MUSK: variants seen among roughly 807,000 people sequenced by gnomAD.
MUSK encodes muscle, skeletal receptor tyrosine-protein kinase.
MUSK carries 55 observed loss-of-function variants against 88.7 expected under a neutral mutation model. That is an observed-to-expected ratio of 0.62 (90% CI 0.50 to 0.78). The LOEUF (loss-of-function observed/expected upper bound fraction) is 0.78. Ranked by LOEUF, MUSK falls within the 30% of genes least tolerant of loss-of-function variation. The pLI, the probability that MUSK is intolerant of heterozygous loss-of-function variation, is 0.00. For missense variants in MUSK, 1,015 were observed against 1,074.3 expected (o/e 0.94, Z 0.77); for synonymous variants, 387 against 391.9 (o/e 0.99, Z 0.15).
At chr9:110,725,116 GA>G (rs1199615689) in intron 5 of MUSK, among the ~76,000 whole-genome samples, 1 of 151,910 alleles carries the variant, frequency 6.6e-6, no homozygotes, top group Non-Finnish European at 1.5e-5. Flanking sequence ...AACCTGGTTG[GA>G]ATTGGAGATC....
Position 110,803,686 on chromosome 9 carries a change from A to G in MUSK, c.*2698A>G, listed in dbSNP as rs1588056768. ...CAATTTAAGTTAATCATAACATCTA[A>G]TAGGTGACATGTTTATTTTTTCATG... On this transcript the variant is annotated 3_prime_UTR_variant, in exon 15 of 15. Coordinates refer to ENST00000374448, the MANE Select transcript of MUSK (RefSeq NM_005592.4). Among the ~76,000 whole-genome samples, 2 of 152,208 alleles carry G rather than the reference A, an allele frequency of 1.3e-5. No homozygotes were observed. The highest frequency in any genetic ancestry group is 3.8e-4 in the East Asian group (2 of 5,200).
At chr9:110,726,557 A>T (rs995707022) in intron 5 of MUSK, among the ~76,000 whole-genome samples, 1 of 152,054 alleles carries the variant, frequency 6.6e-6, no homozygotes, top group African/African-American at 2.4e-5. Context: ...ACAAGTGAAT[A>T]TAATTCTCAA....
intron 3 of MUSK, among the ~76,000 whole-genome samples, chr9:110,690,460 T>A (rs866459087): frequency 2.3e-4 from 19 of 81,222 alleles, no homozygotes; most frequent in African/African-American, 3.5e-4. Context: ...AAATATATAT[T>A]TAAATATAAG....
intron 3 of MUSK, among the ~76,000 whole-genome samples, chr9:110,688,048 G>A (rs998033657): frequency 6.6e-6 from 1 of 152,066 alleles, no homozygotes; most frequent in Non-Finnish European, 1.5e-5. Flanking sequence ...CCAAACACTA[G>A]TAGGTAATCT....
At position 110,728,935 on chromosome 9, in the gene MUSK, G is replaced by A. The variant is rs1564249570; in HGVS notation, c.629-5316G>A. Among the ~76,000 whole-genome samples, 2 of 151,934 alleles carry A rather than the reference G, an allele frequency of 1.3e-5. 1 individual carries two copies. Among genetic ancestry groups the A allele is most frequent in the South Asian group, 4.1e-4 (2 of 4,824 alleles). ...CCATTTGCATTTCTTAAGCAAGATT[G>A]AGTTAAAAGTAATGTTTAAATTTGG... On this transcript the variant is annotated intron_variant, in intron 5 of 14. Coordinates refer to ENST00000374448, the MANE Select transcript of MUSK (RefSeq NM_005592.4).
At chr9:110,797,450 G>A (rs1032443055) in intron 14 of MUSK, among the ~76,000 whole-genome samples, 3 of 152,044 alleles carry the variant, frequency 2.0e-5, no homozygotes, top group Non-Finnish European at 2.9e-5. Context: ...AAAGTCAGGG[G>A]TATGACAATG....
intron 14 of MUSK, among the ~76,000 whole-genome samples, chr9:110,789,997 C>A (rs1471731395): frequency 6.6e-6 from 1 of 151,938 alleles, no homozygotes; most frequent in East Asian, 1.9e-4. Context: ...GAGAAGAGGT[C>A]CAAGGACCAA....
At position 110,668,923 on chromosome 9, in the gene MUSK, A is replaced by C. The variant is rs1203437880; in HGVS notation, c.19A>C (p.Ile7Leu). The change falls in exon 1 of 15, where the codon ATT (isoleucine) becomes CTT (leucine). Residue 7 changes from isoleucine to leucine, a missense_variant. Transcript: ENST00000374448. MRELVNIPLVHILTLVA... is the reference protein window; with the variant it reads MRELVNLPLVHILTLVA... ...ATTAATCATGAGAGAGCTCGTCAAC[A>C]TTCCACTGGTACATATTCTTACTCT... The C allele has an allele frequency of 6.2e-7, 1 of 1,613,680 alleles. No individual in the cohort carries two copies. Among genetic ancestry groups the C allele is most frequent in the Non-Finnish European group, 8.5e-7 (1 of 1,179,724 alleles).
intron 14 of MUSK, among the ~76,000 whole-genome samples, chr9:110,790,311 A>G (rs2132042767): frequency 6.6e-6 from 1 of 152,280 alleles, no homozygotes; most frequent in African/African-American, 2.4e-5. Flanking sequence ...GGAAGAGAAA[A>G]TCTGGAGAAA....
At chr9:110,697,495 G>A in intron 5 of MUSK, 29 bp downstream of exon 5, 4 of 1,598,446 alleles carry the variant, frequency 2.5e-6, no homozygotes, top group Non-Finnish European at 2.6e-6. Context: ...TCCCCTGACT[G>A]TGTGACCAGG....
chr9:110,727,274 C>T (rs1363996724), intron 5 of MUSK, among the ~76,000 whole-genome samples: 1 of 152,066 alleles, frequency 6.6e-6, no homozygotes, highest in Non-Finnish European at 1.5e-5. Flanking sequence ...ATGAGACCTT[C>T]TCATTGGGAA....
intron 1 of MUSK, among the ~76,000 whole-genome samples, chr9:110,669,485 G>A (rs2075929654): frequency 6.6e-6 from 1 of 152,224 alleles, no homozygotes; most frequent in East Asian, 1.9e-4. Flanking sequence ...ACAGAAAGAC[G>A]TACACAATTT....
At chr9:110,691,268 G>A (rs2076353016) in intron 3 of MUSK, among the ~76,000 whole-genome samples, 2 of 151,972 alleles carry the variant, frequency 1.3e-5, no homozygotes, top group South Asian at 4.2e-4. Flanking sequence ...TCTCATCATG[G>A]ACATTTTTTG....
intron 7 of MUSK, among the ~76,000 whole-genome samples, chr9:110,761,032 C>T (rs1244063094): frequency 1.3e-5 from 2 of 152,142 alleles, no homozygotes; most frequent in East Asian, 3.8e-4. Context: ...ATATGTTTTA[C>T]TGTTTATTTT....
Position 110,801,037 on chromosome 9 carries a change from G to A in MUSK, c.*49G>A. On this transcript the variant is annotated 3_prime_UTR_variant, in exon 15 of 15. Coordinates refer to ENST00000374448, the MANE Select transcript of MUSK (RefSeq NM_005592.4). ...GCTGCAGTTTCCTCTCAGACTCTGT[G>A]AGCCAGGGGAATCCTACACCAGAGG... is the stretch of plus-strand genomic sequence containing the variant. 1 of 1,441,406 alleles carries A rather than the reference G, an allele frequency of 6.9e-7. No homozygotes were observed. The highest frequency in any genetic ancestry group is 9.1e-7 in the Non-Finnish European group (1 of 1,095,482). 89.3% of individuals were successfully genotyped at this position (1,441,406 alleles called of 1,614,324 possible).
intron 11 of MUSK, among the ~76,000 whole-genome samples, chr9:110,778,397 G>A (rs75927619): frequency 4.4e-4 from 67 of 152,218 alleles, no homozygotes; most frequent in African/African-American, 1.3e-3. Flanking sequence ...CTTCTGTGGA[G>A]AAAAGGTTAA....
intron 9 of MUSK, among the ~76,000 whole-genome samples, chr9:110,771,231 G>A (rs370505682): frequency 8.4e-4 from 120 of 142,618 alleles, no homozygotes; most frequent in African/African-American, 3.1e-3. Context: ...CAAGTAGCTG[G>A]GACTACAGGC....
In MUSK at chr9:110,680,268, G is replaced by T. The variant is rs144416620; in HGVS notation, c.80-2406G>T. Among the ~76,000 whole-genome samples, 307 of 152,078 alleles carry T rather than the reference G, an allele frequency of 2.0e-3. 1 individual carries two copies. Among genetic ancestry groups the T allele is most frequent in the African/African-American group, 7.0e-3 (291 of 41,488 alleles). On this transcript the variant is annotated intron_variant, in intron 1 of 14. Transcript: ENST00000374448. ...AATAATCTCAGGTTACCCAAAATTG[G>T]CATTCCTATTAAGGAATTAAACTTT...
intron 2 of MUSK, among the ~76,000 whole-genome samples, chr9:110,685,908 A>G (rs1264643742): frequency 6.6e-6 from 1 of 152,154 alleles, no homozygotes; most frequent in Non-Finnish European, 1.5e-5. Flanking sequence ...GCAAAGCCAC[A>G]TCCACATGTT....
Sources: allele counts gnomAD v4.1 joint callset (sites outside exome capture counted in the v4.1 genomes callset), GRCh38; gene constraint gnomAD v4.1.1; transcripts MANE v1.5; gene names NCBI Gene and HGNC (gene_info 2026-07-23, HGNC 2026-07-21).